Variants in MARCHF10 observed in about 807,000 individuals in gnomAD.
MARCHF10 encodes the protein membrane associated ring-CH-type finger 10.
Under a neutral mutation model 76.2 loss-of-function variants are expected in MARCHF10, and 64 were observed. That is an observed-to-expected ratio of 0.84 (90% CI 0.69 to 1.03). MARCHF10 has a LOEUF of 1.03. MARCHF10 is among the 50% of genes least tolerant of loss of function. The probability of loss-of-function intolerance (pLI) is 0.00; values close to 1 mark genes in which losing one functional copy is unlikely to be tolerated. For missense variants in MARCHF10, 875 were observed against 958.0 expected (o/e 0.91, Z 1.14); for synonymous variants, 340 against 357.5 (o/e 0.95, Z 0.55).
chr17:62,805,904 A>G (rs1055469888), intron 1 of MARCHF10, among the ~76,000 whole-genome samples: 3 of 64,894 alleles, frequency 4.6e-5, no homozygotes, highest in Non-Finnish European at 8.7e-5. Context: ...CATCCCCTCA[A>G]AAATAAAAAA....
chr17:62,714,200 G>A (rs1197603442), intron 8 of MARCHF10, among the ~76,000 whole-genome samples: 2 of 152,196 alleles, frequency 1.3e-5, no homozygotes, highest in Non-Finnish European at 2.9e-5. Context: ...GCAGGGGTGT[G>A]TTCCAATTCA....
intron 3 of MARCHF10, among the ~76,000 whole-genome samples, chr17:62,768,683 T>C (rs1356206465): frequency 6.6e-6 from 1 of 152,178 alleles, no homozygotes; most frequent in East Asian, 1.9e-4. Flanking sequence ...GCAATTTGCT[T>C]TCTCTTTTTA....
At chr17:62,714,904 C>T (rs1408239384) in intron 8 of MARCHF10, among the ~76,000 whole-genome samples, 1 of 152,158 alleles carries the variant, frequency 6.6e-6, no homozygotes, top group Admixed American at 6.5e-5. Context: ...TGCCACCACT[C>T]CCAGCTAATT....
chr17:62,723,654 A>G (rs1243774256), intron 7 of MARCHF10, among the ~76,000 whole-genome samples: 1 of 148,718 alleles, frequency 6.7e-6, no homozygotes, highest in Non-Finnish European at 1.5e-5. Flanking sequence ...ACACACCCAT[A>G]CAAGCGTTGA....
intron 2 of MARCHF10, among the ~76,000 whole-genome samples, chr17:62,801,285 A>G (rs1441373854): frequency 6.6e-6 from 1 of 151,998 alleles, no homozygotes; most frequent in Non-Finnish European, 1.5e-5. Flanking sequence ...CAGCCTCCCG[A>G]GTAGCTGGGA....
At chr17:62,755,556 T>A (rs2092016188) in intron 4 of MARCHF10, among the ~76,000 whole-genome samples, 1 of 152,128 alleles carries the variant, frequency 6.6e-6, no homozygotes, top group African/African-American at 2.4e-5. Context: ...TCTGAACATG[T>A]AACTAAGAAC....
At chr17:62,766,280 C>T (rs1260527279) in intron 3 of MARCHF10, among the ~76,000 whole-genome samples, 1 of 152,144 alleles carries the variant, frequency 6.6e-6, no homozygotes, top group African/African-American at 2.4e-5. Context: ...GCAGGCAGAT[C>T]ACCTGAGGTT....
chr17:62,760,876 C>T (rs1030599631), intron 3 of MARCHF10, among the ~76,000 whole-genome samples: 8 of 152,220 alleles, frequency 5.3e-5, no homozygotes, highest in African/African-American at 1.9e-4. Flanking sequence ...GCACTAAGCT[C>T]TCTCCTCCAT....
At position 62,712,288 on chromosome 17, in the gene MARCHF10, C is replaced by T. The variant is rs1408223170; in HGVS notation, c.2215-944G>A. Among the ~76,000 whole-genome samples, 1 of 152,228 alleles carries T rather than the reference C, an allele frequency of 6.6e-6. No homozygotes were observed. Among genetic ancestry groups the T allele is most frequent in the Non-Finnish European group, 1.5e-5 (1 of 68,036 alleles). ...AGAGGGCATGGCCCCTTCCGTCACCCTTGGGAAAGCTTGCAACTGTGACTC... is the reference window on the plus strand; with the variant it reads ...AGAGGGCATGGCCCCTTCCGTCACCTTTGGGAAAGCTTGCAACTGTGACTC... On this transcript the variant is annotated intron_variant, in intron 8 of 10. Coordinates refer to ENST00000311269, the MANE Select transcript of MARCHF10 (RefSeq NM_152598.4). The surrounding 1 kb of genome is among the most constrained non-coding windows in gnomAD (Gnocchi z 4.2).
chr17:62,736,780 G>C lies in MARCHF10; in HGVS notation c.1088C>G (p.Ala363Gly), dbSNP rs369350312. The change falls in exon 6 of 11, where the codon GCA (alanine) becomes GGA (glycine). Residue 363 changes from alanine (A) to glycine (G), a missense_variant. Transcript: ENST00000311269. ...TTGCCCAGCAGAAGGCCGCTCTGTT[G>C]CTGGCTCCATTGCATTGCTTATTCT... Reference protein sequence around the residue: ...SLRISNAMEPATERPSAGQRL... With the variant: ...SLRISNAMEPGTERPSAGQRL... 7.9e-5 allele frequency: 128 copies of C among 1,614,054 alleles called. No homozygotes were observed. The highest frequency in any genetic ancestry group is 2.4e-5 in the Non-Finnish European group (28 of 1,180,042).
At chr17:62,798,633 C>A (rs1598077560) in intron 2 of MARCHF10, among the ~76,000 whole-genome samples, 1 of 151,964 alleles carries the variant, frequency 6.6e-6, no homozygotes, top group Admixed American at 6.6e-5. Context: ...GCCAGGGAAT[C>A]CATGGGAGGG....
At chr17:62,721,550 T>C (rs2090488833) in intron 8 of MARCHF10, among the ~76,000 whole-genome samples, 1 of 152,100 alleles carries the variant, frequency 6.6e-6, no homozygotes, top group Non-Finnish European at 1.5e-5. Context: ...AAAACTGCAA[T>C]TACTTTTGCA....
intron 9 of MARCHF10, among the ~76,000 whole-genome samples, chr17:62,708,299 G>A (rs544700273): frequency 4.0e-5 from 6 of 150,526 alleles, no homozygotes; most frequent in East Asian, 2.0e-4. Context: ...AGGCTGGAGC[G>A]CAGTGGCGCC....
At chr17:62,788,432 CA>C in intron 3 of MARCHF10, 47 bp downstream of exon 3, 2 of 1,586,612 alleles carry the variant, frequency 1.3e-6, no homozygotes, top group Non-Finnish European at 1.7e-6. Context: ...CCACCACCAC[CA>C]GCAGCAGCAG....
At chr17:62,804,260 T>C (rs557848549) in intron 1 of MARCHF10, among the ~76,000 whole-genome samples, 2 of 152,212 alleles carry the variant, frequency 1.3e-5, no homozygotes, top group East Asian at 3.9e-4. Context: ...CAAACGGAGA[T>C]GTCAAGTGTG....
intron 5 of MARCHF10, among the ~76,000 whole-genome samples, chr17:62,740,387 G>A (rs999594226): frequency 1.3e-5 from 2 of 152,110 alleles, no homozygotes; most frequent in African/African-American, 2.4e-5. Flanking sequence ...CTATGCCTTC[G>A]ACTTCTTGGT....
chr17:62,726,018 G>A (rs1435187374), intron 6 of MARCHF10: 1 of 152,214 alleles, frequency 6.6e-6, no homozygotes, highest in African/African-American at 2.4e-5. Context: ...CTTAATAGAT[G>A]TTGGTTTAGG....
In MARCHF10 at chr17:62,769,174, T is replaced by C. The variant is rs540334790; in HGVS notation, c.211-9168A>G. Among the ~76,000 whole-genome samples the C allele has an allele frequency of 3.0e-4, 45 of 152,336 alleles. No individual in the cohort carries two copies. In the East Asian group the frequency reaches 6.8e-3, roughly 23 times the overall value. ...GGTGCCTTGTTAGGTTGTCCCAATA[T>C]TGGTAAATGCTGTGTTTGATCTATA... On this transcript the variant is annotated intron_variant, in intron 3 of 10. Transcript: ENST00000311269.
intron 5 of MARCHF10, among the ~76,000 whole-genome samples, chr17:62,742,163 G>T (rs1438107282): frequency 2.6e-5 from 4 of 151,860 alleles, no homozygotes; most frequent in Admixed American, 2.0e-4. Flanking sequence ...AGGATTACAG[G>T]CATGTGCCAC....
Sources: gnomAD v4.1 joint callset for allele counts (sites outside exome capture counted in the v4.1 genomes callset) on GRCh38, gnomAD v4.1.1 for gene constraint, Gnocchi (gnomAD v3.1) non-coding constraint, MANE v1.5 for transcripts, NCBI Gene and HGNC (gene_info 2026-07-23, HGNC 2026-07-21) for gene names.